PAXBP1: variants seen among roughly 807,000 people sequenced by gnomAD.
PAXBP1 encodes PAX3 and PAX7 binding protein 1.
In PAXBP1, 44 loss-of-function variants were observed where a neutral mutation model predicts 119.9. That is an observed-to-expected ratio of 0.37 (90% CI 0.29 to 0.47). PAXBP1 has a LOEUF of 0.47. PAXBP1 is among the 20% of genes least tolerant of loss of function. The pLI, the probability that PAXBP1 is intolerant of heterozygous loss-of-function variation, is 0.99. For synonymous variants in PAXBP1, 393 were observed against 406.6 expected (o/e 0.97, Z 0.40); for missense variants, 898 against 1,134.1 (o/e 0.79, Z 2.99).
chr21:32,764,936 C>A (rs906870072), intron 2 of PAXBP1, among the ~76,000 whole-genome samples: 1 of 152,320 alleles, frequency 6.6e-6, no homozygotes, highest in South Asian at 2.1e-4. Context: ...AAACCCTAAG[C>A]CCATGCGAGG....
chr21:32,743,939 GC>G (rs2043828374), intron 13 of PAXBP1, among the ~76,000 whole-genome samples, 185 bp from the exon 14 acceptor site: 1 of 152,044 alleles, frequency 6.6e-6, no homozygotes, highest in South Asian at 2.1e-4. Flanking sequence ...CTCAACAACT[GC>G]CAAGCAATAA....
At position 32,745,423 on chromosome 21, in the gene PAXBP1, C is replaced by T; in HGVS notation, c.2068+151G>A. 3.6e-6 allele frequency: 4 copies of T among 1,101,344 alleles called. No individual in the cohort carries two copies. In the East Asian group the frequency reaches 1.0e-4, roughly 28 times the overall value. The allele number at this position is 1,101,344 out of a possible 1,614,324, so 68.2% of individuals were successfully genotyped here. On this transcript the variant is annotated intron_variant, in intron 12 of 17. Coordinates refer to ENST00000331923, the MANE Select transcript of PAXBP1 (RefSeq NM_016631.4). ...TCTTCAAGTCCCAGGATAAGAACCC[C>T]TCTGCCCTCTAGCCATCTCTGGGCC... is the stretch of plus-strand genomic sequence containing the variant.
chr21:32,744,947 G>A (rs761733425), intron 12 of PAXBP1, 34 bp from the exon 13 acceptor site: 1 of 1,588,692 alleles, frequency 6.3e-7, no homozygotes, highest in South Asian at 1.2e-5. Flanking sequence ...AGACACAGAA[G>A]CCAATTGTAC....
intron 10 of PAXBP1, among the ~76,000 whole-genome samples, chr21:32,749,517 T>A (rs1042978881): frequency 1.3e-5 from 2 of 152,094 alleles, no homozygotes; most frequent in Non-Finnish European, 2.9e-5. Flanking sequence ...TCTTATGATG[T>A]CCCAGATTAC....
chr21:32,744,633 T>A (rs562881224), intron 13 of PAXBP1, among the ~76,000 whole-genome samples, 159 bp downstream of exon 13: 2 of 151,936 alleles, frequency 1.3e-5, no homozygotes, highest in East Asian at 3.9e-4. Context: ...AAACCTAACA[T>A]CTCAAATTTT....
Position 32,737,287 on chromosome 21 carries a change from A to C in PAXBP1, c.2603T>G (p.Ile868Ser). The C allele has an allele frequency of 6.3e-7, 1 of 1,577,748 alleles. No homozygotes were observed. The highest frequency in any genetic ancestry group is 1.2e-5 in the South Asian group (1 of 86,144). The part of the protein sequence containing the change: ...HLADTIYRNS[I>S]GCSDVEKRNA... Reference sequence around the variant, plus strand: ...TCTTTTTTCCACATCAGAACACCCGATACTATTTCTATAAATTGTATCCGC... The same window carrying C: ...TCTTTTTTCCACATCAGAACACCCGCTACTATTTCTATAAATTGTATCCGC... Residue 868 changes from isoleucine to serine, a missense_variant, in exon 17 of 18, where the codon ATC (isoleucine) becomes AGC (serine). This residue lies in a region of PAXBP1 where 599 missense variants were observed against 852.7 expected (regional missense o/e 0.70). Coordinates refer to ENST00000331923, the MANE Select transcript of PAXBP1 (RefSeq NM_016631.4).
chr21:32,738,331 A>G lies in PAXBP1; in HGVS notation c.2335-12T>C, dbSNP rs1021534622. The G allele has an allele frequency of 1.7e-5, 26 of 1,565,358 alleles. No individual in the cohort carries two copies. The highest frequency in any genetic ancestry group is 2.2e-5 in the Non-Finnish European group (26 of 1,161,306). On this transcript the variant is annotated splice_polypyrimidine_tract_variant and intron_variant, in intron 15 of 17. Transcript: ENST00000331923. ...AAATTGCCTAACAGCTGGAAAGAAG[A>G]AAAAAAATAGGTAATGTGAAACAAT... is the stretch of plus-strand genomic sequence containing the variant.
intron 8 of PAXBP1, among the ~76,000 whole-genome samples, chr21:32,752,559 C>T (rs186226664): frequency 4.3e-4 from 65 of 152,270 alleles, no homozygotes; most frequent in African/African-American, 1.5e-3. Flanking sequence ...AGATGTGTCA[C>T]CAAAATCAGC....
At chr21:32,753,363 TGGC>T (rs1450206466) in intron 8 of PAXBP1, among the ~76,000 whole-genome samples, 9 of 124,910 alleles carry the variant, frequency 7.2e-5, no homozygotes, top group Admixed American at 1.1e-4. Flanking sequence ...GAGGCGGAGG[TGGC>T]GGTGAGCCGA....
chr21:32,744,944 G>A, intron 12 of PAXBP1, 31 bp from the exon 13 acceptor site: 1 of 1,589,946 alleles, frequency 6.3e-7, no homozygotes, highest in Non-Finnish European at 8.5e-7. Flanking sequence ...TTGAGACACA[G>A]AAGCCAATTG....
At chr21:32,766,197 C>A (rs1377242921) in intron 2 of PAXBP1, among the ~76,000 whole-genome samples, 1 of 152,130 alleles carries the variant, frequency 6.6e-6, no homozygotes, top group African/African-American at 2.4e-5. Context: ...AACAAAAGCA[C>A]AAAAGGTCTA....
rs148347317 is a variant in PAXBP1, at chr21:32,759,956, G to A, written c.1014C>T (p.Tyr338=). ...ASQPAEVNMY[Y]QNTYQTMPYG... ...AAGGCATTGTCTGGTAAGTGTTCTGGTAGTACATATTCACTTCTGCGGGTT... is the reference window on the plus strand; with the variant it reads ...AAGGCATTGTCTGGTAAGTGTTCTGATAGTACATATTCACTTCTGCGGGTT... Residue 338 remains tyrosine (Y), a synonymous_variant, in exon 6 of 18, where the codon TAC becomes TAT. Coordinates refer to ENST00000331923, the MANE Select transcript of PAXBP1 (RefSeq NM_016631.4). 1 of 1,613,938 alleles carries A rather than the reference G, an allele frequency of 6.2e-7. No individual in the cohort carries two copies. The highest frequency in any genetic ancestry group is 8.5e-7 in the Non-Finnish European group (1 of 1,179,940).
intron 4 of PAXBP1, 68 bp from the exon 5 acceptor site, chr21:32,761,230 T>A (rs2044140349): frequency 3.3e-6 from 4 of 1,205,068 alleles, no homozygotes; most frequent in Non-Finnish European, 4.9e-6. Flanking sequence ...GATGCTGTCC[T>A]GACATTTCAC....
chr21:32,764,522 C>A lies in PAXBP1; in HGVS notation c.475G>T (p.Glu159Ter). ...KTELNSSAES[E>*]QPLDKTGHVK... is the part of the protein sequence containing the mutation. ...TGTCCTGTTTTGTCCAAAGGTTGTT[C>A]ACCTAAATTTTTGAAGAATTAAAAT... The change falls in exon 3 of 18, where the codon GAA (glutamate) becomes TAA (stop). Residue 159 changes from glutamate (E) to a stop codon, truncating the protein, a stop_gained and splice_region_variant. Transcript: ENST00000331923. LOFTEE classifies it high-confidence loss of function. 2.5e-6 allele frequency: 4 copies of A among 1,575,860 alleles called. No homozygotes were observed. In the South Asian group the frequency reaches 3.7e-5, roughly 14 times the overall value.
intron 2 of PAXBP1, 145 bp downstream of exon 2, chr21:32,769,669 A>G: frequency 1.5e-6 from 1 of 668,864 alleles, no homozygotes; most frequent in Non-Finnish European, 2.4e-6. Context: ...GTTACAATTA[A>G]ATAACAGAAC....
chr21:32,755,557 T>C, intron 7 of PAXBP1: 1 of 451,818 alleles, frequency 2.2e-6, no homozygotes, highest in South Asian at 4.7e-5. Context: ...AGAGCTATAA[T>C]GTCCAGTGCC....
intron 4 of PAXBP1, 25 bp downstream of exon 4, chr21:32,762,071 T>C: frequency 6.2e-7 from 1 of 1,613,046 alleles, no homozygotes; most frequent in South Asian, 1.1e-5. Context: ...TGCAATAGGC[T>C]TACTATTCAA....
chr21:32,735,824 A>T (rs1481994437), intron 17 of PAXBP1, among the ~76,000 whole-genome samples: 2 of 152,246 alleles, frequency 1.3e-5, no homozygotes, highest in African/African-American at 4.8e-5. Flanking sequence ...AACAAGACAT[A>T]ATATGACATT....
intron 11 of PAXBP1, among the ~76,000 whole-genome samples, chr21:32,746,267 G>C (rs989414197): frequency 6.6e-6 from 1 of 152,114 alleles, no homozygotes; most frequent in Non-Finnish European, 1.5e-5. Flanking sequence ...ATTGACAAAT[G>C]GTATCTAATT....
Sources: allele counts gnomAD v4.1 joint callset (sites outside exome capture counted in the v4.1 genomes callset), GRCh38; gene constraint gnomAD v4.1.1; regional missense constraint gnomAD v4.1.1; transcripts MANE v1.5; gene names NCBI Gene and HGNC (gene_info 2026-07-23, HGNC 2026-07-21).